FNBP1: variants seen among roughly 807,000 people sequenced by gnomAD.
FNBP1 encodes formin binding protein 1.
In FNBP1, 26 loss-of-function variants were observed where a neutral mutation model predicts 90.6. That is an observed-to-expected ratio of 0.29 (90% CI 0.21 to 0.40). The LOEUF (loss-of-function observed/expected upper bound fraction) is 0.40, where lower values mean the gene tolerates loss of function less well. FNBP1 is among the 10% of genes least tolerant of loss of function. The pLI is 1.00. For missense variants in FNBP1, 635 were observed against 768.0 expected, an observed-to-expected ratio of 0.83 and a Z score of 2.05; for synonymous variants, 260 against 265.2, an observed-to-expected ratio of 0.98 and a Z score of 0.19.
chr9:130,046,443 TA>T (rs1179424829), upstream of FNBP1, among the ~76,000 whole-genome samples: 1 of 151,890 alleles, frequency 6.6e-6, no homozygotes, highest in Non-Finnish European at 1.5e-5. Context: ...TAAAAGTCCC[TA>T]GAGAGTTGGC....
chr9:129,897,499 A>G (rs985767941), intron 15 of FNBP1, among the ~76,000 whole-genome samples: 2 of 152,198 alleles, frequency 1.3e-5, no homozygotes, highest in Admixed American at 1.3e-4. Flanking sequence ...TGTAAAATTT[A>G]TTTATCCCAG....
At chr9:129,916,103 C>A (rs1178380705) in intron 10 of FNBP1, 123 bp from the exon 11 acceptor site, 1 of 680,070 alleles carries the variant, frequency 1.5e-6, no homozygotes. Flanking sequence ...TAAAATAACA[C>A]ACACGTCTAC....
intron 4 of FNBP1, among the ~76,000 whole-genome samples, chr9:129,965,390 A>T (rs1220210240): frequency 2.6e-5 from 4 of 152,178 alleles, no homozygotes; most frequent in African/African-American, 9.7e-5. Context: ...TACCCGTAAC[A>T]CTGAGCAGCA....
At chr9:129,914,755 G>GTGTATGTATA (rs71499203) in intron 11 of FNBP1, among the ~76,000 whole-genome samples, 3 of 98,434 alleles carry the variant, frequency 3.0e-5, no homozygotes, top group Admixed American at 2.4e-4. Flanking sequence ...ACATACATAT[G>GTGTATGTATA]TCTATATATA....
intron 10 of FNBP1, among the ~76,000 whole-genome samples, chr9:129,922,555 A>G (rs148758696): frequency 2.8e-4 from 43 of 152,330 alleles, no homozygotes; most frequent in Middle Eastern, 3.4e-3. Context: ...GTGGCTGGAA[A>G]AAAGTAAATG....
At chr9:129,977,574 C>T (rs55967540) in intron 4 of FNBP1, among the ~76,000 whole-genome samples, 2,633 of 151,954 alleles carry the variant, frequency 0.017, 29 homozygotes, top group African/African-American at 0.021. Context: ...TCACTGCAAC[C>T]TCCACCTCCT....
chr9:129,981,955 A>G (rs978321012), intron 2 of FNBP1, among the ~76,000 whole-genome samples: 2 of 152,240 alleles, frequency 1.3e-5, no homozygotes, highest in Admixed American at 6.5e-5. Context: ...ACACGTCAAC[A>G]TATCAACTAT....
intron 6 of FNBP1, among the ~76,000 whole-genome samples, chr9:129,949,311 C>G (rs537943286): frequency 1.3e-5 from 2 of 152,306 alleles, no homozygotes; most frequent in South Asian, 4.1e-4. Flanking sequence ...CTGATTTCCT[C>G]TCTTCATTTT....
chr9:130,011,573 C>G (rs1482654646), intron 1 of FNBP1, among the ~76,000 whole-genome samples: 1 of 151,956 alleles, frequency 6.6e-6, no homozygotes, highest in South Asian at 2.1e-4. Context: ...CATCCCTTCC[C>G]CATGTGGCAA....
chr9:129,967,457 G>C (rs2048792947), intron 4 of FNBP1, among the ~76,000 whole-genome samples: 1 of 152,198 alleles, frequency 6.6e-6, no homozygotes, highest in Admixed American at 6.5e-5. Flanking sequence ...GGAACTTGCA[G>C]AGAGCCGAGA....
At chr9:129,891,307 A>T (rs185030321) in intron 16 of FNBP1, among the ~76,000 whole-genome samples, 4 of 150,378 alleles carry the variant, frequency 2.7e-5, no homozygotes, top group East Asian at 1.9e-4. Flanking sequence ...ACAAAAAATT[A>T]AAAAAAAATT....
intron 4 of FNBP1, among the ~76,000 whole-genome samples, chr9:129,959,415 C>G (rs112301369): frequency 1.1e-3 from 162 of 151,596 alleles, no homozygotes; most frequent in African/African-American, 3.8e-3. Flanking sequence ...ATGGTGAAAC[C>G]CCATCTCTAC....
At chr9:129,977,771 C>T (rs923979759) in intron 4 of FNBP1, among the ~76,000 whole-genome samples, 3 of 152,114 alleles carry the variant, frequency 2.0e-5, no homozygotes, top group Admixed American at 2.0e-4. Context: ...GGATTACAGG[C>T]GTGAGCCACC....
chr9:130,040,045 A>G (rs191566907), intron 1 of FNBP1, among the ~76,000 whole-genome samples: 46 of 152,306 alleles, frequency 3.0e-4, no homozygotes, highest in African/African-American at 1.1e-3. Flanking sequence ...TTCCAAAGCC[A>G]CCATTCAAGG....
Position 129,925,670 on chromosome 9 carries a change from C to T in FNBP1, c.790-513G>A, listed in dbSNP as rs187447046. Among the ~76,000 whole-genome samples, 41 of 125,864 alleles carry T rather than the reference C, an allele frequency of 3.3e-4. No individual in the cohort carries two copies. The East Asian group carries it at 9.6e-3, about 29-fold the overall frequency. 82.6% of individuals were successfully genotyped at this position (125,864 alleles called of 152,430 possible). ...GTGCAGTGGCGTGATCTCAGCTCAC[C>T]GCAACCTCCGCCTCCCAGGTTTAAG... On this transcript the variant is annotated intron_variant, in intron 8 of 16. Coordinates refer to ENST00000446176, the MANE Select transcript of FNBP1 (RefSeq NM_015033.3).
At chr9:129,930,724 A>C (rs2042610187) in intron 6 of FNBP1, among the ~76,000 whole-genome samples, 1 of 152,216 alleles carries the variant, frequency 6.6e-6, no homozygotes, top group Non-Finnish European at 1.5e-5. Flanking sequence ...GTCATCCAGA[A>C]GTACAAGAGG....
chr9:129,903,609 GATAAA>G (rs2037387050), intron 12 of FNBP1, among the ~76,000 whole-genome samples: 1 of 151,972 alleles, frequency 6.6e-6, no homozygotes. Flanking sequence ...TTGCCACACA[GATAAA>G]ATAAATAAAT....
chr9:129,891,674 AAC>A (rs1335820037), intron 16 of FNBP1, among the ~76,000 whole-genome samples: 2 of 152,168 alleles, frequency 1.3e-5, no homozygotes, highest in African/African-American at 4.8e-5. Context: ...AAACAAAAGA[AAC>A]ACAGACTTCT....
chr9:129,899,667 T>C (rs1392145374), intron 15 of FNBP1, among the ~76,000 whole-genome samples: 2 of 151,282 alleles, frequency 1.3e-5, no homozygotes, highest in Non-Finnish European at 2.9e-5. Context: ...AGGTCAAGGC[T>C]GCAGTGAGCC....
Sources: gnomAD v4.1 joint callset for allele counts (sites outside exome capture counted in the v4.1 genomes callset) on GRCh38, gnomAD v4.1.1 for gene constraint, MANE v1.5 for transcripts, NCBI Gene and HGNC (gene_info 2026-07-23, HGNC 2026-07-21) for gene names.